PCDH9: variants seen among roughly 807,000 people sequenced by gnomAD.
PCDH9 encodes the protein protocadherin-9.
PCDH9 carries 24 observed loss-of-function variants against 70.6 expected under a neutral mutation model. The observed-to-expected ratio is 0.34, with a 90% CI of 0.25 to 0.48. The LOEUF is 0.48. Among genes scored for constraint, PCDH9 ranks in the 20% least tolerant of loss-of-function variants. The probability of loss-of-function intolerance (pLI) is 0.99; values close to 1 mark genes in which losing one functional copy is unlikely to be tolerated. For synonymous variants in PCDH9, 562 were observed against 558.5 expected, an observed-to-expected ratio of 1.01 and a Z score of -0.09; for missense variants, 1,281 against 1,503.6, an observed-to-expected ratio of 0.85 and a Z score of 2.45.
intron 2 of PCDH9, among the ~76,000 whole-genome samples, chr13:67,195,276 C>T (rs1284283073): frequency 1.3e-5 from 2 of 152,002 alleles, no homozygotes; most frequent in Non-Finnish European, 2.9e-5. Context: ...CTCCGAGCAG[C>T]TGGGACTACA....
At chr13:66,653,461 A>G (rs1008664878) in intron 3 of PCDH9, among the ~76,000 whole-genome samples, 1 of 152,160 alleles carries the variant, frequency 6.6e-6, no homozygotes, top group African/African-American at 2.4e-5. Flanking sequence ...CTACAATGAG[A>G]TATCATCTCA....
rs1250270144 is a variant in PCDH9, at chr13:66,557,353, C to A, written c.3340+73857G>T. Among the ~76,000 whole-genome samples the A allele has an allele frequency of 2.0e-5, 3 of 152,034 alleles. No homozygotes were observed. In the South Asian group the frequency reaches 6.2e-4, roughly 32 times the overall value. On this transcript the variant is annotated intron_variant, in intron 4 of 4. Coordinates refer to ENST00000377865, the MANE Select transcript of PCDH9 (RefSeq NM_203487.3). ...ATCTTTGTGAATATTTTTAAATATA[C>A]AAATTATCAATAACAAACAATATAT...
intron 4 of PCDH9, among the ~76,000 whole-genome samples, chr13:66,543,156 A>G (rs1348962943): frequency 4.6e-5 from 7 of 152,120 alleles, no homozygotes; most frequent in Non-Finnish European, 1.0e-4. Flanking sequence ...AATAATATCA[A>G]ATCAGTTGCA....
intron 3 of PCDH9, among the ~76,000 whole-genome samples, chr13:66,825,702 A>G (rs2139393475): frequency 6.6e-6 from 1 of 152,324 alleles, no homozygotes; most frequent in African/African-American, 2.4e-5. Context: ...ATTACAAAGG[A>G]AATGATAAAA....
intron 4 of PCDH9, among the ~76,000 whole-genome samples, chr13:66,504,316 A>T (rs1160895444): frequency 6.6e-6 from 1 of 152,218 alleles, no homozygotes; most frequent in Non-Finnish European, 1.5e-5. Flanking sequence ...TCTTATAATT[A>T]TTTATTCAAT....
At chr13:67,007,643 C>T (rs2084378152) in intron 2 of PCDH9, among the ~76,000 whole-genome samples, 1 of 151,998 alleles carries the variant, frequency 6.6e-6, no homozygotes, top group African/African-American at 2.4e-5. Flanking sequence ...ATATTCAGGC[C>T]GTGTATATAT....
At position 67,228,325 on chromosome 13, in the gene PCDH9, G is replaced by C. The variant is rs754998480; in HGVS notation, c.116C>G (p.Pro39Arg). The change falls in exon 2 of 5, where the codon CCC (proline) becomes CGC (arginine). Residue 39 changes from proline to arginine, a missense_variant. Coordinates refer to ENST00000377865, the MANE Select transcript of PCDH9 (RefSeq NM_203487.3). ...TIREELPENV[P>R]IGNIPKDLNI... ...CAGATCCTTTGGTATGTTTCCTATG[G>C]GCACATTTTCAGGCAATTCCTCTCT... 5.6e-6 allele frequency: 9 copies of C among 1,614,092 alleles called. No individual in the cohort carries two copies. The South Asian group carries it at 8.8e-5, about 16-fold the overall frequency.
intron 2 of PCDH9, among the ~76,000 whole-genome samples, chr13:67,099,923 G>A (rs1285991914): frequency 1.3e-5 from 2 of 152,024 alleles, no homozygotes; most frequent in Non-Finnish European, 2.9e-5. Flanking sequence ...ATAATAATGG[G>A]TCCCCATGCT....
intron 2 of PCDH9, among the ~76,000 whole-genome samples, chr13:66,952,533 G>C (rs183109113): frequency 2.0e-5 from 3 of 152,166 alleles, no homozygotes; most frequent in Admixed American, 1.3e-4. Context: ...GTTTACCCTA[G>C]AGTGTAAAGA....
chr13:66,403,564 G>T (rs965937831), intron 4 of PCDH9, among the ~76,000 whole-genome samples: 1 of 151,866 alleles, frequency 6.6e-6, no homozygotes, highest in Non-Finnish European at 1.5e-5. Context: ...TTATTCTTGG[G>T]AGCTCCTTAT....
intron 4 of PCDH9, among the ~76,000 whole-genome samples, chr13:66,384,405 GA>G (rs930321696): frequency 5.3e-5 from 8 of 151,860 alleles, no homozygotes; most frequent in South Asian, 4.2e-4. Flanking sequence ...TGTTCTATCA[GA>G]AAAAAAATTA....
intron 4 of PCDH9, among the ~76,000 whole-genome samples, chr13:66,488,420 G>A (rs115152349): frequency 0.031 from 4,671 of 152,140 alleles, 219 homozygotes; most frequent in African/African-American, 0.11. Context: ...AAAATCAAAT[G>A]CAATTGGTAT....
At chr13:67,194,562 T>G (rs558322319) in intron 2 of PCDH9, among the ~76,000 whole-genome samples, 2 of 152,314 alleles carry the variant, frequency 1.3e-5, no homozygotes, top group South Asian at 2.1e-4. Context: ...GAATGGCAGC[T>G]TAAGTTTAAA....
At chr13:66,318,711 T>G (rs892960913) in intron 4 of PCDH9, among the ~76,000 whole-genome samples, 2 of 152,196 alleles carry the variant, frequency 1.3e-5, no homozygotes, top group African/African-American at 4.8e-5. Flanking sequence ...CCTTGTCTCC[T>G]GAAGGGTTAT....
chr13:67,095,883 C>A (rs2086309295), intron 2 of PCDH9, among the ~76,000 whole-genome samples: 1 of 152,028 alleles, frequency 6.6e-6, no homozygotes, highest in African/African-American at 2.4e-5. Context: ...TCAAAAGAAA[C>A]AATTAAATAG....
At chr13:66,924,835 T>C (rs2082691919) in intron 2 of PCDH9, among the ~76,000 whole-genome samples, 1 of 151,808 alleles carries the variant, frequency 6.6e-6, no homozygotes, top group South Asian at 2.1e-4. Flanking sequence ...GCTATATTGC[T>C]ATTTCCATCT....
chr13:66,864,499 T>C (rs543912533), intron 3 of PCDH9, among the ~76,000 whole-genome samples: 2 of 152,188 alleles, frequency 1.3e-5, no homozygotes, highest in Non-Finnish European at 2.9e-5. Flanking sequence ...ACAGATGTGA[T>C]TGTGGATGAT....
chr13:66,674,609 T>C (rs968014416), intron 3 of PCDH9, among the ~76,000 whole-genome samples: 2 of 152,048 alleles, frequency 1.3e-5, no homozygotes, highest in East Asian at 1.9e-4. Flanking sequence ...TTTCACTAAA[T>C]GGGAGGTCCG....
intron 2 of PCDH9, among the ~76,000 whole-genome samples, chr13:66,979,236 A>C (rs1220940908): frequency 2.0e-5 from 3 of 152,144 alleles, no homozygotes; most frequent in South Asian, 4.1e-4. Flanking sequence ...GATGGAGCCT[A>C]GGCAAACCTT....
Sources: allele counts gnomAD v4.1 joint callset (sites outside exome capture counted in the v4.1 genomes callset), GRCh38; gene constraint gnomAD v4.1.1; transcripts MANE v1.5; gene names NCBI Gene and HGNC (gene_info 2026-07-23, HGNC 2026-07-21).